Variants in MGAT4C observed in about 807,000 individuals in gnomAD.
MGAT4C encodes the protein alpha-1,3-mannosyl-glycoprotein 4-beta-N-acetylglucosaminyltransferase C.
MGAT4C carries 19 observed loss-of-function variants against 40.1 expected under a neutral mutation model. That is an observed-to-expected ratio of 0.47 (90% CI 0.33 to 0.70). The LOEUF is 0.70. MGAT4C is among the 30% of genes least tolerant of loss of function. The probability of loss-of-function intolerance (pLI) is 0.02; values close to 1 mark genes in which losing one functional copy is unlikely to be tolerated. For missense variants in MGAT4C, 491 were observed against 563.2 expected, an observed-to-expected ratio of 0.87 and a Z score of 1.30; for synonymous variants, 181 against 187.1, an observed-to-expected ratio of 0.97 and a Z score of 0.27.
In MGAT4C at chr12:85,971,469, C is replaced by T. The variant is rs1186692458; in HGVS notation, c.*7820G>A. The T allele has an allele frequency of 1.3e-5, 2 of 151,148 alleles. No homozygotes were observed. The highest frequency in any genetic ancestry group is 3.0e-5 in the Non-Finnish European group (2 of 67,338). 9.4% of individuals were successfully genotyped at this position (151,148 alleles called of 1,614,324 possible). ...TAGCAAACACATGACTCATCATTGC[C>T]CAAATCAATTGCCCAAATCAATTCA... On this transcript the variant is annotated 3_prime_UTR_variant, in exon 5 of 5. Coordinates refer to ENST00000611864, the MANE Select transcript of MGAT4C (RefSeq NM_001351288.2).
intron 4 of MGAT4C, among the ~76,000 whole-genome samples, chr12:86,309,896 C>T (rs1290270167): frequency 1.3e-5 from 2 of 152,004 alleles, no homozygotes; most frequent in South Asian, 4.1e-4. Context: ...CTCTCTTGCA[C>T]AGTGTGCACT....
intron 4 of MGAT4C, among the ~76,000 whole-genome samples, chr12:86,262,936 A>G (rs960862734): frequency 2.6e-5 from 4 of 152,110 alleles, no homozygotes; most frequent in African/African-American, 9.6e-5. Flanking sequence ...TCCTAGATAT[A>G]GTAATGTTGA....
At chr12:86,175,404 A>G (rs1566091466) in intron 1 of MGAT4C, among the ~76,000 whole-genome samples, 1 of 152,038 alleles carries the variant, frequency 6.6e-6, no homozygotes, top group African/African-American at 2.4e-5. Flanking sequence ...AATCCACTCA[A>G]TCCTCTATCT....
intron 1 of MGAT4C, among the ~76,000 whole-genome samples, chr12:86,118,487 T>C (rs1043706587): frequency 2.6e-5 from 4 of 152,154 alleles, no homozygotes; most frequent in Admixed American, 2.6e-4. Context: ...CCAATCCTTA[T>C]CCTTGACTAT....
intron 1 of MGAT4C, among the ~76,000 whole-genome samples, chr12:86,082,530 C>T (rs1871025009): frequency 6.6e-6 from 1 of 152,058 alleles, no homozygotes; most frequent in Admixed American, 6.6e-5. Context: ...TAGTGCAACA[C>T]AGATCAACCA....
chr12:86,042,962 G>A (rs1412928823), intron 2 of MGAT4C, among the ~76,000 whole-genome samples: 1 of 151,654 alleles, frequency 6.6e-6, no homozygotes, highest in East Asian at 1.9e-4. Context: ...GTAGCCTGAT[G>A]GTGTTCACAT....
chr12:86,371,122 C>T (rs1414945539), intron 3 of MGAT4C, among the ~76,000 whole-genome samples: 2 of 151,968 alleles, frequency 1.3e-5, no homozygotes, highest in Non-Finnish European at 2.9e-5. Context: ...TTATTTATTG[C>T]TCCAGCTAAA....
chr12:86,469,105 C>T (rs747725178), intron 2 of MGAT4C, among the ~76,000 whole-genome samples: 5 of 151,976 alleles, frequency 3.3e-5, no homozygotes, highest in East Asian at 3.9e-4. Context: ...CTAAAACACA[C>T]GATACTTACC....
chr12:86,358,991 C>A (rs954855559), intron 3 of MGAT4C, among the ~76,000 whole-genome samples: 1 of 152,212 alleles, frequency 6.6e-6, no homozygotes, highest in East Asian at 1.9e-4. Context: ...TAGACATCTA[C>A]AGAACTCTCC....
chr12:86,657,086 A>G (rs1004290627), intron 2 of MGAT4C, among the ~76,000 whole-genome samples: 1 of 152,050 alleles, frequency 6.6e-6, no homozygotes, highest in Non-Finnish European at 1.5e-5. Flanking sequence ...AGTGAGAAGC[A>G]GAAAGTTAGA....
intron 4 of MGAT4C, among the ~76,000 whole-genome samples, chr12:85,982,860 G>A (rs944782165): frequency 7.9e-5 from 12 of 152,228 alleles, no homozygotes; most frequent in African/African-American, 2.6e-4. Context: ...ATAAAAAGAG[G>A]AAAAGACACA....
chr12:86,521,267 G>A (rs561033561), intron 2 of MGAT4C, among the ~76,000 whole-genome samples: 7 of 151,886 alleles, frequency 4.6e-5, no homozygotes, highest in Admixed American at 1.3e-4. Flanking sequence ...GAAAGGGGCC[G>A]ACTTTCAATC....
chr12:86,551,808 A>G (rs532554574), intron 2 of MGAT4C, among the ~76,000 whole-genome samples: 1 of 152,316 alleles, frequency 6.6e-6, no homozygotes, highest in African/African-American at 2.4e-5. Flanking sequence ...GGCCACTGAG[A>G]TGCTTGCAAA....
intron 2 of MGAT4C, among the ~76,000 whole-genome samples, chr12:86,485,500 GTTC>G (rs3076911): frequency 0.64 from 96,419 of 151,704 alleles, 31,756 homozygotes; most frequent in South Asian, 0.79. Flanking sequence ...TTGAACATTA[GTTC>G]TTCAAGTCAA....
intron 2 of MGAT4C, among the ~76,000 whole-genome samples, chr12:86,022,160 G>T (rs558608150): frequency 6.6e-6 from 1 of 152,296 alleles, no homozygotes; most frequent in South Asian, 2.1e-4. Flanking sequence ...TATGCACAAT[G>T]ACTGCAATTT....
intron 2 of MGAT4C, among the ~76,000 whole-genome samples, chr12:86,661,835 A>G (rs1457384198): frequency 6.6e-6 from 1 of 152,140 alleles, no homozygotes; most frequent in Non-Finnish European, 1.5e-5. Flanking sequence ...GCTACTCAGG[A>G]GGCTGAGGCA....
chr12:86,202,608 C>A (rs1950092318), intron 1 of MGAT4C, among the ~76,000 whole-genome samples: 1 of 151,948 alleles, frequency 6.6e-6, no homozygotes, highest in Admixed American at 6.5e-5. Context: ...ATTTTTCTCT[C>A]TTCTCCTAGA....
chr12:86,152,246 CCA>C (rs1163509046), intron 1 of MGAT4C, among the ~76,000 whole-genome samples: 1 of 152,206 alleles, frequency 6.6e-6, no homozygotes, highest in Non-Finnish European at 1.5e-5. Flanking sequence ...GTTTATAAAA[CCA>C]GAAATTTACT....
intron 1 of MGAT4C, among the ~76,000 whole-genome samples, chr12:86,077,758 C>T (rs539891006): frequency 6.6e-5 from 10 of 152,198 alleles, no homozygotes; most frequent in South Asian, 4.1e-4. Flanking sequence ...TCACAGGGCA[C>T]GGTAATAATA....
Sources: allele counts gnomAD v4.1 joint callset (sites outside exome capture counted in the v4.1 genomes callset), GRCh38; gene constraint gnomAD v4.1.1; transcripts MANE v1.5; gene names NCBI Gene and HGNC (gene_info 2026-07-23, HGNC 2026-07-21).